Variants in CDK14 observed in about 807,000 individuals in gnomAD.
CDK14 encodes cyclin dependent kinase 14.
A neutral mutation model predicts 60.7 loss-of-function variants in CDK14; 34 were observed. That is an observed-to-expected ratio of 0.56 (90% confidence interval 0.43 to 0.75). The LOEUF (loss-of-function observed/expected upper bound fraction) is 0.75. CDK14 is among the 30% of genes least tolerant of loss of function. The probability of loss-of-function intolerance (pLI) is 0.00; values close to 1 mark genes in which losing one functional copy is unlikely to be tolerated. For synonymous variants in CDK14, 197 were observed against 203.7 expected (o/e 0.97, Z 0.28); for missense variants, 482 against 564.1 (o/e 0.85, Z 1.47).
chr7:91,192,362 G>C (rs982652244), intron 14 of CDK14, among the ~76,000 whole-genome samples: 1 of 152,216 alleles, frequency 6.6e-6, no homozygotes. Context: ...TCTTTGTCCA[G>C]AAAGTAGGAG....
At chr7:90,675,944 C>A (rs1309052698) in intron 2 of CDK14, among the ~76,000 whole-genome samples, 3 of 152,130 alleles carry the variant, frequency 2.0e-5, no homozygotes, top group Admixed American at 2.0e-4. Flanking sequence ...GAGGGGATGG[C>A]AAAGAGCCTT....
At chr7:90,598,412 T>C (rs953793873) in intron 1 of CDK14, among the ~76,000 whole-genome samples, 79 of 152,318 alleles carry the variant, frequency 5.2e-4, no homozygotes, top group African/African-American at 1.7e-3. Flanking sequence ...CCAACTCTTG[T>C]TAAAATGTCT....
intron 2 of CDK14, among the ~76,000 whole-genome samples, chr7:90,682,042 G>A (rs911593222): frequency 4.6e-5 from 7 of 152,104 alleles, no homozygotes; most frequent in Non-Finnish European, 7.4e-5. Flanking sequence ...ATTAATAATG[G>A]TGGAGTATTA....
chr7:90,773,701 A>AT (rs1804877594), intron 4 of CDK14, among the ~76,000 whole-genome samples: 1 of 152,022 alleles, frequency 6.6e-6, no homozygotes, highest in African/African-American at 2.4e-5. Flanking sequence ...TGTTATCTTG[A>AT]TTTTAAATTT....
At chr7:91,149,064 A>G (rs191555135) in intron 14 of CDK14, among the ~76,000 whole-genome samples, 2 of 152,260 alleles carry the variant, frequency 1.3e-5, no homozygotes, top group East Asian at 1.9e-4. Context: ...CTATAAAACA[A>G]TTTTGCCCTG....
chr7:91,076,660 T>C (rs1798328481), intron 11 of CDK14, among the ~76,000 whole-genome samples: 1 of 152,092 alleles, frequency 6.6e-6, no homozygotes, highest in South Asian at 2.1e-4. Context: ...GGGATCTAAT[T>C]AAACTAAAGA....
At chr7:90,719,787 C>T (rs1242246757) in intron 2 of CDK14, among the ~76,000 whole-genome samples, 1 of 152,050 alleles carries the variant, frequency 6.6e-6, no homozygotes. Flanking sequence ...AGGAGACATC[C>T]CTGCTTATGT....
chr7:90,717,206 A>G (rs1460742882), intron 2 of CDK14, among the ~76,000 whole-genome samples: 1 of 152,114 alleles, frequency 6.6e-6, no homozygotes, highest in Non-Finnish European at 1.5e-5. Context: ...GAAGTCAGGA[A>G]GTATAGGCAT....
chr7:91,054,438 G>A (rs972369768), intron 11 of CDK14, among the ~76,000 whole-genome samples: 1 of 152,008 alleles, frequency 6.6e-6, no homozygotes, highest in Admixed American at 6.6e-5. Context: ...ACAAATAAAT[G>A]CTGCTTTAAT....
chr7:91,203,457 C>T (rs111357680), intron 14 of CDK14, among the ~76,000 whole-genome samples: 2 of 152,216 alleles, frequency 1.3e-5, no homozygotes, highest in Non-Finnish European at 2.9e-5. Flanking sequence ...CCCTGACTTG[C>T]TCCTTCACAG....
At chr7:91,189,128 A>G (rs1328615128) in intron 14 of CDK14, among the ~76,000 whole-genome samples, 1 of 152,196 alleles carries the variant, frequency 6.6e-6, no homozygotes, top group Non-Finnish European at 1.5e-5. Context: ...ATTTGGATGT[A>G]GTGTGAAGCA....
In CDK14 at chr7:91,207,932, T is replaced by A. The variant is rs766286525; in HGVS notation, c.*796T>A. On this transcript the variant is annotated 3_prime_UTR_variant, in exon 15 of 15. Transcript: ENST00000380050. Reference sequence around the variant, plus strand: ...TGAGGTAACTTTTTGTGTCTGGGTCTTGTCAACATCTAATTTTTTTCCATC... The same window carrying A: ...TGAGGTAACTTTTTGTGTCTGGGTCATGTCAACATCTAATTTTTTTCCATC... 1 of 152,660 alleles carries A rather than the reference T, an allele frequency of 6.6e-6. No individual in the cohort carries two copies. Among genetic ancestry groups the A allele is most frequent in the Non-Finnish European group, 1.5e-5 (1 of 68,042 alleles). The allele number at this position is 152,660 out of a possible 1,614,324, so 9.5% of individuals were successfully genotyped here. A position where few individuals can be genotyped will look rare whatever the true frequency, so the allele number is the denominator to read the frequency against.
intron 8 of CDK14, among the ~76,000 whole-genome samples, chr7:90,943,991 A>C (rs1292050357): frequency 1.3e-5 from 2 of 152,150 alleles, no homozygotes; most frequent in African/African-American, 4.8e-5. Context: ...GGAGTGAGTG[A>C]GTTCTTGCTC....
intron 10 of CDK14, among the ~76,000 whole-genome samples, chr7:91,037,528 T>A (rs1387855892): frequency 6.6e-6 from 1 of 152,170 alleles, no homozygotes; most frequent in African/African-American, 2.4e-5. Flanking sequence ...ATATGAATTG[T>A]TTAACAACAT....
At chr7:90,881,378 C>T (rs1164197992) in intron 6 of CDK14, among the ~76,000 whole-genome samples, 1 of 151,924 alleles carries the variant, frequency 6.6e-6, no homozygotes, top group Non-Finnish European at 1.5e-5. Context: ...TGAAATAAGA[C>T]ATGCAGACAA....
At chr7:90,637,368 A>G (rs2116425849) in intron 2 of CDK14, among the ~76,000 whole-genome samples, 1 of 152,072 alleles carries the variant, frequency 6.6e-6, no homozygotes, top group African/African-American at 2.4e-5. Context: ...GAACATCTTT[A>G]TTTCTGCCTT....
chr7:90,671,502 T>C (rs1008102250), intron 2 of CDK14, among the ~76,000 whole-genome samples: 3 of 152,168 alleles, frequency 2.0e-5, no homozygotes, highest in African/African-American at 7.2e-5. Context: ...TCCTTTGCAG[T>C]GGCACTCAAA....
intron 1 of CDK14, among the ~76,000 whole-genome samples, chr7:90,599,521 A>C (rs1425667470): frequency 6.6e-6 from 1 of 152,228 alleles, no homozygotes; most frequent in Non-Finnish European, 1.5e-5. Flanking sequence ...TGTGAAGACT[A>C]AATCGGATAA....
chr7:91,208,218 TG>T lies in CDK14; in HGVS notation c.*1084del, dbSNP rs1380033522. 2 of 152,810 alleles carry T rather than the reference TG, an allele frequency of 1.3e-5. No homozygotes were observed. The highest frequency in any genetic ancestry group is 3.9e-4 in the East Asian group (2 of 5,186). The allele number at this position is 152,810 out of a possible 1,614,324, so 9.5% of individuals were successfully genotyped here. A position where few individuals can be genotyped will look rare whatever the true frequency, so the allele number is the denominator to read the frequency against. ...TGGGTTCTTACTTTAAGACATCTCCTGGAATAACTGTTCAAATGCAGGTTTT... is the reference window on the plus strand; with the variant it reads ...TGGGTTCTTACTTTAAGACATCTCCTGAATAACTGTTCAAATGCAGGTTTT... On this transcript the variant is annotated 3_prime_UTR_variant, in exon 15 of 15. Transcript: ENST00000380050.
Sources: gnomAD v4.1 joint callset for allele counts (sites outside exome capture counted in the v4.1 genomes callset) on GRCh38, gnomAD v4.1.1 for gene constraint, MANE v1.5 for transcripts, NCBI Gene and HGNC (gene_info 2026-07-23, HGNC 2026-07-21) for gene names.